Variants in L3MBTL4 observed in about 807,000 individuals in gnomAD.
The protein encoded by L3MBTL4 is L3MBTL histone methyl-lysine binding protein 4.
Under a neutral mutation model 84.5 loss-of-function variants are expected in L3MBTL4, and 70 were observed. That is an observed-to-expected ratio of 0.83 (90% CI 0.68 to 1.01). The LOEUF (loss-of-function observed/expected upper bound fraction) is 1.01, where lower values mean the gene tolerates loss of function less well. L3MBTL4 is among the 50% of genes least tolerant of loss of function. The pLI is 0.00. For synonymous variants in L3MBTL4, 274 were observed against 259.8 expected (o/e 1.05, Z -0.52); for missense variants, 715 against 754.8 (o/e 0.95, Z 0.62).
At chr18:6,359,466 T>G (rs2053585402) in intron 1 of L3MBTL4, among the ~76,000 whole-genome samples, 1 of 152,036 alleles carries the variant, frequency 6.6e-6, no homozygotes, top group Non-Finnish European at 1.5e-5. Context: ...TAAATAAACA[T>G]GACCTCAAAC....
chr18:5,958,186 A>C (rs1386964834), intron 18 of L3MBTL4, among the ~76,000 whole-genome samples: 1 of 151,858 alleles, frequency 6.6e-6, no homozygotes, highest in Non-Finnish European at 1.5e-5. Flanking sequence ...ACGACGAAGA[A>C]GAAGAGGAAG....
rs74253884 is a variant in L3MBTL4, at chr18:6,039,993, C to T, written c.1444+40888G>A. On this transcript the variant is annotated intron_variant, in intron 16 of 18. Transcript: ENST00000317931. Reference sequence around the variant, plus strand: ...GAAAAATTATGTATTTTCAAAAACTCGTTTTCAAATATTAAACTTTTTTCA... The same window carrying T: ...GAAAAATTATGTATTTTCAAAAACTTGTTTTCAAATATTAAACTTTTTTCA... Among the ~76,000 whole-genome samples the T allele has an allele frequency of 1.8e-4, 27 of 152,218 alleles. No individual in the cohort carries two copies. In the East Asian group the frequency reaches 4.2e-3, roughly 24 times the overall value.
Position 6,082,863 on chromosome 18 carries a change from G to C in L3MBTL4, c.1374-1912C>G, listed in dbSNP as rs562899392. Among the ~76,000 whole-genome samples the C allele has an allele frequency of 4.6e-5, 7 of 152,298 alleles. No homozygotes were observed. The South Asian group carries it at 1.5e-3, about 32-fold the overall frequency. ...AGAGATATGCCAAGCCAAATCCTGT[G>C]AGTAGTTCAGATTCAGGTAGCATTT... On this transcript the variant is annotated intron_variant, in intron 15 of 18. Coordinates refer to ENST00000317931, the MANE Select transcript of L3MBTL4 (RefSeq NM_001330559.2).
chr18:6,350,884 A>G (rs2053151383), intron 1 of L3MBTL4, among the ~76,000 whole-genome samples: 1 of 152,208 alleles, frequency 6.6e-6, no homozygotes. Flanking sequence ...ATGGAATATT[A>G]TTCAGCCTTA....
chr18:6,345,748 T>G (rs1167673705), intron 1 of L3MBTL4, among the ~76,000 whole-genome samples: 1 of 152,022 alleles, frequency 6.6e-6, no homozygotes, highest in East Asian at 1.9e-4. Context: ...TTCACACTAC[T>G]CAAACTGATC....
Position 6,239,790 on chromosome 18 carries a change from G to T in L3MBTL4, c.635C>A (p.Ala212Glu), listed in dbSNP as rs756896807. Residue 212 changes from alanine (A) to glutamate (E), a missense_variant, in exon 9 of 19, where the codon GCG becomes GAG. Ala to Glu is a moderately radical substitution (Grantham distance 107). Coordinates refer to ENST00000317931, the MANE Select transcript of L3MBTL4 (RefSeq NM_001330559.2). The part of the protein sequence containing the change: ...DRKNPSLVCV[A>E]TIADIVEDRL... ...ATCTTCAACAATATCTGCTATGGTC[G>T]CCACACACACCAAGGAAGGGTTCTT... The T allele has an allele frequency of 6.2e-7, 1 of 1,614,034 alleles. No individual in the cohort carries two copies.
At chr18:6,089,455 C>T (rs193292192) in intron 15 of L3MBTL4, among the ~76,000 whole-genome samples, 4 of 152,146 alleles carry the variant, frequency 2.6e-5, no homozygotes, top group East Asian at 1.9e-4. Context: ...AAGAAACAGA[C>T]GCATCATAAG....
chr18:6,003,666 A>C (rs1224811083), intron 16 of L3MBTL4, among the ~76,000 whole-genome samples: 52 of 152,228 alleles, frequency 3.4e-4, no homozygotes, highest in East Asian at 1.9e-4. Flanking sequence ...TCATGTTTCA[A>C]TAGATTGAAA....
Position 6,014,079 on chromosome 18 carries a change from T to G in L3MBTL4, c.1445-44517A>C, listed in dbSNP as rs187790152. Among the ~76,000 whole-genome samples the G allele has an allele frequency of 3.1e-3, 470 of 152,332 alleles. 3 individuals are homozygous for G. The highest frequency in any genetic ancestry group is 0.011 in the African/African-American group (453 of 41,580). On this transcript the variant is annotated intron_variant, in intron 16 of 18. Coordinates refer to ENST00000317931, the MANE Select transcript of L3MBTL4 (RefSeq NM_001330559.2). ...CCTTTGGCCAGAGACTTCATTACTC[T>G]GGGCCTCGATTTTCTCTTTGGTAAA...
At chr18:6,124,358 T>C (rs1026015059) in intron 14 of L3MBTL4, among the ~76,000 whole-genome samples, 17 of 150,910 alleles carry the variant, frequency 1.1e-4, no homozygotes, top group Non-Finnish European at 2.1e-4. Context: ...AAAAGAGTAT[T>C]AGAGGTAAAT....
chr18:6,267,997 G>T (rs2048708534), intron 4 of L3MBTL4, among the ~76,000 whole-genome samples: 1 of 152,176 alleles, frequency 6.6e-6, no homozygotes. Context: ...CACTTTAGCT[G>T]AAATTAACCA....
chr18:6,119,100 A>G (rs2059449431), intron 14 of L3MBTL4, among the ~76,000 whole-genome samples: 2 of 139,268 alleles, frequency 1.4e-5, no homozygotes, highest in African/African-American at 5.5e-5. Flanking sequence ...CAGCCAGCTT[A>G]TCCCTGTATT....
At chr18:6,272,077 C>A (rs1048491429) in intron 4 of L3MBTL4, among the ~76,000 whole-genome samples, 1 of 152,092 alleles carries the variant, frequency 6.6e-6, no homozygotes, top group Admixed American at 6.5e-5. Flanking sequence ...TGCTGTTAAG[C>A]GTATCAGGAG....
chr18:6,307,520 A>G (rs959960826), intron 3 of L3MBTL4, among the ~76,000 whole-genome samples: 1 of 152,188 alleles, frequency 6.6e-6, no homozygotes, highest in Non-Finnish European at 1.5e-5. Flanking sequence ...CAGAATAACA[A>G]TGCATTCAAG....
intron 16 of L3MBTL4, among the ~76,000 whole-genome samples, chr18:6,044,199 A>G (rs921113073): frequency 2.0e-5 from 3 of 152,352 alleles, no homozygotes; most frequent in South Asian, 4.1e-4. Context: ...TGTTTGGAAT[A>G]TAAGTGCTCA....
chr18:6,002,108 A>G (rs1435790881), intron 16 of L3MBTL4, among the ~76,000 whole-genome samples: 1 of 152,182 alleles, frequency 6.6e-6, no homozygotes, highest in East Asian at 1.9e-4. Flanking sequence ...TTCTTAGCCA[A>G]AACTTTGCTG....
At chr18:6,290,156 T>A (rs1041484249) in intron 4 of L3MBTL4, among the ~76,000 whole-genome samples, 25 of 152,088 alleles carry the variant, frequency 1.6e-4, no homozygotes, top group Admixed American at 3.9e-4. Context: ...GCTCAAACGA[T>A]CCTACCACCT....
chr18:6,251,694 T>C (rs916227300), intron 5 of L3MBTL4, among the ~76,000 whole-genome samples: 1 of 152,196 alleles, frequency 6.6e-6, no homozygotes, highest in African/African-American at 2.4e-5. Flanking sequence ...TTTTATTTCA[T>C]AATTATAAAT....
intron 4 of L3MBTL4, among the ~76,000 whole-genome samples, chr18:6,274,381 C>T (rs138739934): frequency 1.1e-4 from 17 of 152,292 alleles, no homozygotes; most frequent in African/African-American, 4.1e-4. Flanking sequence ...TTGCAGGTGG[C>T]CCTACAGACA....
Sources: allele counts gnomAD v4.1 joint callset (sites outside exome capture counted in the v4.1 genomes callset), GRCh38; gene constraint gnomAD v4.1.1; transcripts MANE v1.5; gene names NCBI Gene and HGNC (gene_info 2026-07-23, HGNC 2026-07-21).